The following WWC1 variants were observed in gnomAD, a reference collection of about 807,000 sequenced individuals.
The protein encoded by WWC1 is protein KIBRA.
A neutral mutation model predicts 138.4 loss-of-function variants in WWC1; 55 were observed. That is an observed-to-expected ratio of 0.40 (90% CI 0.32 to 0.50). The LOEUF is 0.50. Among genes scored for constraint, WWC1 ranks in the 20% least tolerant of loss-of-function variants. The pLI is 0.72. For missense variants in WWC1, 1,226 were observed against 1,420.4 expected (o/e 0.86, Z 2.20); for synonymous variants, 524 against 564.9 (o/e 0.93, Z 1.03).
rs10527141 is a variant in WWC1, at chr5:168,465,548, C to CTTTTTTTTTTTTTTTTTTTTTTTTTTT, written c.3150+588_3150+614dup. On this transcript the variant is annotated intron_variant, in intron 21 of 22. Transcript: ENST00000265293. ...CACACAAAGTTTTATATCAGCTGGGCTTTTTTTTTTTTTTTTTTTTTTTTT... is the reference window on the plus strand; with the variant it reads ...CACACAAAGTTTTATATCAGCTGGGCTTTTTTTTTTTTTTTTTTTTTTTTTTTTTTTTTTTTTTTTTTTTTTTTTTTT... Among the ~76,000 whole-genome samples, 39 of 46,932 alleles carry CTTTTTTTTTTTTTTTTTTTTTTTTTTT rather than the reference C, an allele frequency of 8.3e-4. 19 individuals are homozygous for CTTTTTTTTTTTTTTTTTTTTTTTTTTT. The highest frequency in any genetic ancestry group is 8.4e-4 in the African/African-American group (10 of 11,916). 30.8% of individuals were successfully genotyped at this position (46,932 alleles called of 152,430 possible).
At chr5:168,351,942 G>A (rs755189753) in intron 1 of WWC1, among the ~76,000 whole-genome samples, 2 of 152,110 alleles carry the variant, frequency 1.3e-5, no homozygotes, top group Non-Finnish European at 2.9e-5. Context: ...TTTGCCCCAC[G>A]TTCTCTGTGC....
At chr5:168,414,990 C>T (rs116428121) in intron 9 of WWC1, 2,146 of 177,572 alleles carry the variant, frequency 0.012, 57 homozygotes, top group African/African-American at 0.048. Flanking sequence ...TCTGATGGTC[C>T]TCTGATGTTT....
chr5:168,303,089 C>T (rs1770240545), intron 1 of WWC1, among the ~76,000 whole-genome samples: 1 of 152,140 alleles, frequency 6.6e-6, no homozygotes, highest in South Asian at 2.1e-4. Context: ...AGAGGGTACT[C>T]AATTATCCCC....
intron 17 of WWC1, among the ~76,000 whole-genome samples, chr5:168,450,551 A>G (rs1755702514): frequency 6.6e-6 from 1 of 152,134 alleles, no homozygotes; most frequent in Non-Finnish European, 1.5e-5. Context: ...CTGTAATCCC[A>G]GCTACTCGGG....
chr5:168,428,181 G>A, intron 12 of WWC1, 40 bp downstream of exon 12: 1 of 1,586,598 alleles, frequency 6.3e-7, no homozygotes, highest in South Asian at 1.1e-5. Flanking sequence ...GGCCCTGTAA[G>A]CCATGAACTC....
intron 15 of WWC1, among the ~76,000 whole-genome samples, chr5:168,432,058 A>G (rs532890809): frequency 1.3e-5 from 2 of 152,182 alleles, no homozygotes; most frequent in African/African-American, 4.8e-5. Context: ...AAAAAAAAAA[A>G]AAAAAAAAGC....
At chr5:168,330,670 C>T (rs930920373) in intron 1 of WWC1, among the ~76,000 whole-genome samples, 1 of 152,056 alleles carries the variant, frequency 6.6e-6, no homozygotes, top group South Asian at 2.1e-4. Flanking sequence ...CTCTGTTAGT[C>T]TGGAAGGGGT....
Position 168,408,669 on chromosome 5 carries a change from A to T in WWC1, c.867+16A>T. 1 of 1,613,430 alleles carries T rather than the reference A, an allele frequency of 6.2e-7. No individual in the cohort carries two copies. Among genetic ancestry groups the T allele is most frequent in the Non-Finnish European group, 8.5e-7 (1 of 1,179,602 alleles). On this transcript the variant is annotated intron_variant, in intron 7 of 22. Coordinates refer to ENST00000265293, the MANE Select transcript of WWC1 (RefSeq NM_015238.3). ...CTCGGGAAGCGTGAGTAGACGGGGC[A>T]GGTTGCTGGGGGCCTTCCACAGGAT...
chr5:168,346,173 C>A (rs1231664141), intron 1 of WWC1, among the ~76,000 whole-genome samples: 1 of 151,870 alleles, frequency 6.6e-6, no homozygotes, highest in East Asian at 1.9e-4. Flanking sequence ...TGTCTGATGT[C>A]GAAAGGAAGG....
At chr5:168,428,405 G>C (rs1480765091) in intron 12 of WWC1, among the ~76,000 whole-genome samples, 1 of 152,062 alleles carries the variant, frequency 6.6e-6, no homozygotes, top group Admixed American at 6.5e-5. Context: ...GCAAGCACTA[G>C]AGAAAGGGAA....
Position 168,423,993 on chromosome 5 carries a change from C to A in WWC1, c.1735C>A (p.Leu579Met), listed in dbSNP as rs774858056. 2 of 1,613,984 alleles carry A rather than the reference C, an allele frequency of 1.2e-6. No homozygotes were observed. Among genetic ancestry groups the A allele is most frequent in the East Asian group, 2.2e-5 (1 of 44,878 alleles). ...GGAGCTGAGTGCCACTCTTTGTGAA[C>A]TGAGCCTTGGTAACAGCGCCCAGGA... ...DPELSATLCE[L>M]SLGNSAQERY... Residue 579 changes from leucine to methionine, a missense_variant, in exon 11 of 23, where the codon CTG becomes ATG. Leu to Met is a conservative substitution (Grantham distance 15, BLOSUM62 2). This residue lies in a region of WWC1 where 1,016 missense variants were observed against 1,153.9 expected (regional missense o/e 0.88). Coordinates refer to ENST00000265293, the MANE Select transcript of WWC1 (RefSeq NM_015238.3).
chr5:168,319,479 C>T (rs981942761), intron 1 of WWC1, among the ~76,000 whole-genome samples: 2 of 152,112 alleles, frequency 1.3e-5, no homozygotes, highest in Admixed American at 6.6e-5. Flanking sequence ...TAGGTACATA[C>T]CCAGAAGGAG....
chr5:168,327,878 C>T (rs1772692590), intron 1 of WWC1, among the ~76,000 whole-genome samples: 1 of 152,210 alleles, frequency 6.6e-6, no homozygotes, highest in Non-Finnish European at 1.5e-5. Flanking sequence ...AGGGGAAAGC[C>T]TTACCAAAAT....
chr5:168,425,495 T>TG (rs11421303), intron 11 of WWC1, among the ~76,000 whole-genome samples: 3 of 61,784 alleles, frequency 4.9e-5, no homozygotes, highest in African/African-American at 2.3e-4. Flanking sequence ...TTTAATCTCC[T>TG]TTTTTTTTTT....
intron 17 of WWC1, among the ~76,000 whole-genome samples, chr5:168,451,396 A>T (rs999814999): frequency 6.6e-6 from 1 of 152,152 alleles, no homozygotes; most frequent in Non-Finnish European, 1.5e-5. Context: ...ATGCATGAAG[A>T]GTTTCTCAAC....
At chr5:168,428,678 C>G in intron 12 of WWC1, 29 bp from the exon 13 acceptor site, 4 of 1,609,716 alleles carry the variant, frequency 2.5e-6, no homozygotes, top group Non-Finnish European at 2.6e-6. Flanking sequence ...GTAGGGAAGC[C>G]TAACTCCTCC....
intron 17 of WWC1, among the ~76,000 whole-genome samples, chr5:168,452,948 G>C (rs1755965179): frequency 6.6e-6 from 1 of 152,198 alleles, no homozygotes; most frequent in Non-Finnish European, 1.5e-5. Flanking sequence ...GAACTGTCTG[G>C]GCGCGGTGGC....
intron 22 of WWC1, 150 bp from the exon 23 acceptor site, chr5:168,468,801 C>A: frequency 1.4e-6 from 1 of 690,788 alleles, no homozygotes; most frequent in Non-Finnish European, 2.4e-6. Context: ...AGGATACAGC[C>A]AGCATCTAGA....
intron 1 of WWC1, among the ~76,000 whole-genome samples, chr5:168,336,081 AC>A: frequency 6.6e-6 from 1 of 152,214 alleles, no homozygotes. Context: ...TTCTCATTGA[AC>A]CCTGGTATGC....
Sources: allele counts gnomAD v4.1 joint callset (sites outside exome capture counted in the v4.1 genomes callset), GRCh38; gene constraint gnomAD v4.1.1; regional missense constraint gnomAD v4.1.1; transcripts MANE v1.5; gene names NCBI Gene and HGNC (gene_info 2026-07-23, HGNC 2026-07-21).